CCSER1: variants seen among roughly 807,000 people sequenced by gnomAD.
CCSER1 encodes serine-rich coiled-coil domain-containing protein 1.
Under a neutral mutation model 82.0 loss-of-function variants are expected in CCSER1, and 41 were observed. The ratio of observed to expected loss-of-function variants is 0.50; its 90% CI spans 0.39 to 0.65. The LOEUF is 0.65. CCSER1 is among the 30% of genes least tolerant of loss of function. CCSER1 has a pLI of 0.00. For missense variants in CCSER1, 1,119 were observed against 1,064.2 expected (o/e 1.05, Z -0.72); for synonymous variants, 414 against 383.9 (o/e 1.08, Z -0.92).
At chr4:91,463,126 T>G (rs1756611674) in intron 10 of CCSER1, among the ~76,000 whole-genome samples, 1 of 152,044 alleles carries the variant, frequency 6.6e-6, no homozygotes, top group African/African-American at 2.4e-5. Context: ...GTAGACTGAC[T>G]CCCCACATGG....
At chr4:91,542,754 G>A (rs965844141) in intron 10 of CCSER1, among the ~76,000 whole-genome samples, 1 of 152,174 alleles carries the variant, frequency 6.6e-6, no homozygotes, top group Non-Finnish European at 1.5e-5. Context: ...AGTGTGATGT[G>A]GTGCTGAGAA....
At chr4:91,579,348 T>C (rs1160729484) in intron 10 of CCSER1, among the ~76,000 whole-genome samples, 1 of 151,620 alleles carries the variant, frequency 6.6e-6, no homozygotes, top group Non-Finnish European at 1.5e-5. Context: ...GTGAACATTG[T>C]ACCCAATTGG....
At chr4:91,279,157 C>T (rs79701329) in intron 10 of CCSER1, among the ~76,000 whole-genome samples, 1 of 151,956 alleles carries the variant, frequency 6.6e-6, no homozygotes, top group Non-Finnish European at 1.5e-5. Context: ...ATGGAATTGC[C>T]TTAGAAGTGA....
At chr4:91,210,431 T>TA (rs971200735) in intron 10 of CCSER1, among the ~76,000 whole-genome samples, 10 of 150,884 alleles carry the variant, frequency 6.6e-5, no homozygotes, top group Admixed American at 2.7e-4. Context: ...GGACAATTAA[T>TA]AAAAAAAGAG....
intron 10 of CCSER1, among the ~76,000 whole-genome samples, chr4:91,382,483 C>A (rs1295803093): frequency 2.6e-5 from 4 of 152,208 alleles, no homozygotes; most frequent in African/African-American, 9.6e-5. Flanking sequence ...AGTGAGGCTC[C>A]ATGGTCATGG....
At chr4:90,782,786 A>G (rs1461130652) in intron 7 of CCSER1, among the ~76,000 whole-genome samples, 4 of 144,992 alleles carry the variant, frequency 2.8e-5, no homozygotes, top group South Asian at 4.3e-4. Flanking sequence ...GGTTCACGCC[A>G]TTCTCCTGCC....
chr4:91,397,565 C>T (rs757393722), intron 10 of CCSER1, among the ~76,000 whole-genome samples: 6 of 151,920 alleles, frequency 3.9e-5, no homozygotes, highest in Middle Eastern at 3.2e-3. Context: ...TCTAGTTATT[C>T]ACTGTCAAGC....
At chr4:91,179,346 C>G (rs1045139934) in intron 10 of CCSER1, among the ~76,000 whole-genome samples, 2 of 152,124 alleles carry the variant, frequency 1.3e-5, no homozygotes, top group Non-Finnish European at 2.9e-5. Flanking sequence ...TGAATGTTGG[C>G]CTACCTTGCT....
At chr4:90,987,187 C>T (rs1736645315) in intron 9 of CCSER1, among the ~76,000 whole-genome samples, 1 of 151,046 alleles carries the variant, frequency 6.6e-6, no homozygotes, top group African/African-American at 2.4e-5. Context: ...ATGGTCTTTA[C>T]AGTTCATCTG....
intron 1 of CCSER1, among the ~76,000 whole-genome samples, chr4:90,137,936 C>G (rs571359245): frequency 1.3e-5 from 2 of 152,204 alleles, no homozygotes; most frequent in African/African-American, 2.4e-5. Flanking sequence ...CATCTCAATT[C>G]CACATAAGAA....
chr4:90,667,428 C>G (rs956361336), intron 6 of CCSER1, among the ~76,000 whole-genome samples: 6 of 152,102 alleles, frequency 3.9e-5, no homozygotes, highest in African/African-American at 1.4e-4. Context: ...TGTGCCATGG[C>G]GGTTTGCTGC....
At chr4:90,340,926 T>C (rs560826024) in intron 3 of CCSER1, among the ~76,000 whole-genome samples, 7 of 152,146 alleles carry the variant, frequency 4.6e-5, no homozygotes, top group Admixed American at 1.3e-4. Flanking sequence ...CCTAATGATA[T>C]GTTTAGTAAT....
intron 4 of CCSER1, among the ~76,000 whole-genome samples, chr4:90,448,444 A>AATATGT (rs1760973066): frequency 6.8e-5 from 3 of 44,100 alleles, no homozygotes; most frequent in Non-Finnish European, 1.6e-4. Flanking sequence ...AGGTGAATTG[A>AATATGT]ATATATATAT....
At chr4:91,347,616 G>A (rs1357736419) in intron 10 of CCSER1, among the ~76,000 whole-genome samples, 1 of 136,510 alleles carries the variant, frequency 7.3e-6, no homozygotes, top group Admixed American at 7.5e-5. Context: ...GAATATATTT[G>A]TATTTATTTA....
At chr4:90,200,032 C>T (rs1213155510) in intron 1 of CCSER1, among the ~76,000 whole-genome samples, 1 of 149,624 alleles carries the variant, frequency 6.7e-6, no homozygotes, top group Non-Finnish European at 1.5e-5. Flanking sequence ...CCTGGAGGCA[C>T]CCTCCACTCC....
chr4:90,158,487 C>T (rs1421294733), intron 1 of CCSER1, among the ~76,000 whole-genome samples: 3 of 152,188 alleles, frequency 2.0e-5, no homozygotes, highest in African/African-American at 7.2e-5. Context: ...AGAGGTGGAG[C>T]CTACAGAGGC....
chr4:90,440,680 A>G (rs964117603), intron 4 of CCSER1, among the ~76,000 whole-genome samples: 4 of 151,892 alleles, frequency 2.6e-5, no homozygotes, highest in Non-Finnish European at 5.9e-5. Flanking sequence ...TTTATTACCT[A>G]TTTGTGCATG....
chr4:91,493,698 ATG>A (rs1320378046), intron 10 of CCSER1, among the ~76,000 whole-genome samples: 1 of 151,772 alleles, frequency 6.6e-6, no homozygotes, highest in Non-Finnish European at 1.5e-5. Flanking sequence ...ATAGTGAATT[ATG>A]ATTAATTCAC....
intron 10 of CCSER1, among the ~76,000 whole-genome samples, chr4:91,419,720 C>G (rs1753586354): frequency 1.3e-5 from 2 of 151,842 alleles, no homozygotes; most frequent in African/African-American, 2.4e-5. Flanking sequence ...TTATATGGAG[C>G]CACAAAAGTC....
Sources: gnomAD v4.1 joint callset for allele counts (sites outside exome capture counted in the v4.1 genomes callset) on GRCh38, gnomAD v4.1.1 for gene constraint, MANE v1.5 for transcripts, NCBI Gene and HGNC (gene_info 2026-07-23, HGNC 2026-07-21) for gene names.